The following FGF14 variants were observed in gnomAD, a reference collection of about 807,000 sequenced individuals.
The protein encoded by FGF14 is fibroblast growth factor homologous factor 4.
FGF14 carries 5 observed loss-of-function variants against 25.5 expected under a neutral mutation model. The observed-to-expected ratio is 0.20, with a 90% CI of 0.10 to 0.41. FGF14 has a LOEUF of 0.41. Ranked by LOEUF, FGF14 falls within the 10% of genes least tolerant of loss-of-function variation. FGF14 has a pLI of 1.00. For synonymous variants in FGF14, 138 were observed against 118.3 expected (o/e 1.17, Z -1.08); for missense variants, 222 against 320.1 (o/e 0.69, Z 2.34).
intron 1 of FGF14, among the ~76,000 whole-genome samples, chr13:102,355,060 GA>G (rs2057384184): frequency 1.3e-5 from 2 of 152,164 alleles, no homozygotes; most frequent in African/African-American, 4.8e-5. Context: ...AGTCTTCAGG[GA>G]AAAAGGTACG....
chr13:101,790,368 C>T (rs1428633775), intron 3 of FGF14, among the ~76,000 whole-genome samples: 1 of 150,696 alleles, frequency 6.6e-6, no homozygotes, highest in Admixed American at 6.6e-5. Context: ...GTGAAGAGAA[C>T]TAGGATTGGG....
chr13:102,174,955 G>A (rs2048384835), intron 1 of FGF14, among the ~76,000 whole-genome samples: 1 of 151,928 alleles, frequency 6.6e-6, no homozygotes, highest in African/African-American at 2.4e-5. Context: ...ATTGTAACTG[G>A]CACGAATAAG....
intron 3 of FGF14, among the ~76,000 whole-genome samples, chr13:101,778,559 C>G (rs1042795395): frequency 6.6e-6 from 1 of 152,150 alleles, no homozygotes; most frequent in Non-Finnish European, 1.5e-5. Context: ...TTGCTTTTAC[C>G]TATGCTATGG....
chr13:102,363,802 T>C (rs1406714867), intron 1 of FGF14, among the ~76,000 whole-genome samples: 1 of 152,222 alleles, frequency 6.6e-6, no homozygotes, highest in Non-Finnish European at 1.5e-5. Context: ...CTTCCACAAA[T>C]GTATAGCCAA....
chr13:102,146,537 G>T (rs144123782), intron 1 of FGF14, among the ~76,000 whole-genome samples: 2 of 151,990 alleles, frequency 1.3e-5, no homozygotes, highest in Non-Finnish European at 2.9e-5. Context: ...AATAAATACC[G>T]TAGCTAGAAG....
intron 1 of FGF14, chr13:102,373,343 C>T (rs1460112177): frequency 2.0e-5 from 3 of 152,148 alleles, no homozygotes; most frequent in African/African-American, 7.2e-5. Context: ...AAGTGCCTAA[C>T]TTTTAACTAT....
intron 3 of FGF14, among the ~76,000 whole-genome samples, chr13:101,814,146 G>A (rs1436602589): frequency 6.6e-6 from 1 of 152,150 alleles, no homozygotes; most frequent in African/African-American, 2.4e-5. Flanking sequence ...CAGAACAGAA[G>A]CATCTGCATC....
intron 1 of FGF14, among the ~76,000 whole-genome samples, chr13:102,267,030 G>A (rs1367835883): frequency 2.0e-5 from 3 of 152,114 alleles, no homozygotes; most frequent in African/African-American, 4.8e-5. Context: ...AATAAAAGAC[G>A]ATGAAGTTAA....
At chr13:102,065,886 A>G (rs894129867) in intron 1 of FGF14, among the ~76,000 whole-genome samples, 1 of 152,132 alleles carries the variant, frequency 6.6e-6, no homozygotes, top group African/African-American at 2.4e-5. Flanking sequence ...ATCAAATAAC[A>G]TAATGAATAA....
intron 1 of FGF14, among the ~76,000 whole-genome samples, chr13:102,133,060 T>C (rs556847743): frequency 8.9e-4 from 135 of 152,316 alleles, no homozygotes; most frequent in African/African-American, 3.0e-3. Flanking sequence ...TCTCCTACAA[T>C]TATATTGAAA....
intron 1 of FGF14, among the ~76,000 whole-genome samples, chr13:102,258,986 T>C (rs1277740544): frequency 6.6e-6 from 1 of 152,174 alleles, no homozygotes; most frequent in Non-Finnish European, 1.5e-5. Context: ...GTATTTTTTC[T>C]AGAGAAAAAA....
intron 3 of FGF14, among the ~76,000 whole-genome samples, chr13:101,790,080 A>C (rs969573981): frequency 6.6e-6 from 1 of 151,302 alleles, no homozygotes; most frequent in Non-Finnish European, 1.5e-5. Context: ...CAAATCTTAT[A>C]ATCATTTCAG....
chr13:101,853,076 A>T (rs1294432456), intron 3 of FGF14, among the ~76,000 whole-genome samples: 1 of 152,102 alleles, frequency 6.6e-6, no homozygotes, highest in Non-Finnish European at 1.5e-5. Context: ...ATGCAGGTGT[A>T]TAAGAGACAC....
intron 1 of FGF14, among the ~76,000 whole-genome samples, chr13:102,061,820 C>T (rs755531462): frequency 1.3e-5 from 2 of 152,178 alleles, no homozygotes; most frequent in Admixed American, 1.3e-4. Flanking sequence ...GCCTAGGGCA[C>T]ACGGAGAGAT....
intron 1 of FGF14, among the ~76,000 whole-genome samples, chr13:102,333,104 C>T (rs1051597412): frequency 3.3e-5 from 5 of 152,168 alleles, no homozygotes; most frequent in African/African-American, 1.2e-4. Context: ...TCATACTGCA[C>T]TAAGTAAATC....
At chr13:102,103,568 G>A (rs909809618) in intron 1 of FGF14, among the ~76,000 whole-genome samples, 2 of 151,860 alleles carry the variant, frequency 1.3e-5, no homozygotes, top group Non-Finnish European at 2.9e-5. Flanking sequence ...AGCCATTGAT[G>A]TTTACAGGAA....
chr13:102,335,432 A>G (rs1302715030), intron 1 of FGF14, among the ~76,000 whole-genome samples: 1 of 152,204 alleles, frequency 6.6e-6, no homozygotes, highest in Non-Finnish European at 1.5e-5. Context: ...AGGGTTCTCA[A>G]TAAGAGTAGT....
intron 1 of FGF14, among the ~76,000 whole-genome samples, chr13:102,165,972 C>G (rs2047988958): frequency 6.6e-6 from 1 of 151,368 alleles, no homozygotes; most frequent in African/African-American, 2.4e-5. Context: ...TTCTTAAATG[C>G]ACAGTTCTGT....
At chr13:101,753,635 T>G (rs9518512) in intron 3 of FGF14, among the ~76,000 whole-genome samples, 1 of 151,772 alleles carries the variant, frequency 6.6e-6, no homozygotes, top group Admixed American at 6.6e-5. Flanking sequence ...AGAAACCCCG[T>G]CTCTACTAAA....
Sources: gnomAD v4.1 joint callset for allele counts (sites outside exome capture counted in the v4.1 genomes callset) on GRCh38, gnomAD v4.1.1 for gene constraint, MANE v1.5 for transcripts, NCBI Gene and HGNC (gene_info 2026-07-23, HGNC 2026-07-21) for gene names.